Variants in MEMO1 observed in about 807,000 individuals in gnomAD.
The protein encoded by MEMO1 is protein MEMO1.
MEMO1 carries 6 observed loss-of-function variants against 45.2 expected under a neutral mutation model. That is an observed-to-expected ratio of 0.13 (90% CI 0.07 to 0.26). MEMO1 has a LOEUF of 0.26. MEMO1 is among the 10% of genes least tolerant of loss of function. The pLI, the probability that MEMO1 is intolerant of heterozygous loss-of-function variation, is 1.00. For synonymous variants in MEMO1, 78 were observed against 124.3 expected, an observed-to-expected ratio of 0.63 and a Z score of 2.48; for missense variants, 184 against 370.5, an observed-to-expected ratio of 0.50 and a Z score of 4.13.
intron 6 of MEMO1, among the ~76,000 whole-genome samples, chr2:31,896,736 A>G (rs1677873751): frequency 6.6e-6 from 1 of 152,236 alleles, no homozygotes; most frequent in Non-Finnish European, 1.5e-5. Context: ...GTCATACATT[A>G]GGAGAAGATA....
intron 4 of MEMO1, among the ~76,000 whole-genome samples, chr2:31,921,939 GTAA>G (rs1197207662): frequency 6.6e-6 from 1 of 152,146 alleles, no homozygotes; most frequent in Non-Finnish European, 1.5e-5. Context: ...GACATCAAGA[GTAA>G]TGTTAATTTC....
chr2:31,869,421 C>T (rs1673335165), intron 9 of MEMO1, among the ~76,000 whole-genome samples: 1 of 152,052 alleles, frequency 6.6e-6, no homozygotes, highest in African/African-American at 2.4e-5. Flanking sequence ...ATGAGAAAAA[C>T]ACACATCATC....
chr2:31,910,335 A>C (rs998932181), intron 6 of MEMO1, among the ~76,000 whole-genome samples: 3 of 152,216 alleles, frequency 2.0e-5, no homozygotes, highest in Non-Finnish European at 2.9e-5. Context: ...AAGCAAGTAC[A>C]TTAGAGAAAG....
chr2:31,919,584 C>T lies in MEMO1; in HGVS notation c.325+1214G>A, dbSNP rs557330710. Among the ~76,000 whole-genome samples, 8 of 152,066 alleles carry T rather than the reference C, an allele frequency of 5.3e-5. No homozygotes were observed. In the South Asian group the frequency reaches 1.7e-3, roughly 32 times the overall value. ...TGATAATCCCAGCACTTTGGGAGGC[C>T]AAGACAGGAGAATTGCTTGAGACCA... is the stretch of plus-strand genomic sequence containing the variant. On this transcript the variant is annotated intron_variant, in intron 5 of 9. Coordinates refer to ENST00000404530, the MANE Select transcript of MEMO1 (RefSeq NM_001301833.4).
At chr2:31,989,103 G>T (rs1259565143) in intron 2 of MEMO1, among the ~76,000 whole-genome samples, 1 of 152,126 alleles carries the variant, frequency 6.6e-6, no homozygotes, top group Non-Finnish European at 1.5e-5. Context: ...CTACTCAGGA[G>T]GCTGAGGCAG....
At chr2:31,898,061 T>A (rs1232101365) in intron 6 of MEMO1, among the ~76,000 whole-genome samples, 1 of 152,018 alleles carries the variant, frequency 6.6e-6, no homozygotes, top group Non-Finnish European at 1.5e-5. Context: ...AGTGGTGATA[T>A]CCTCTTTATC....
At chr2:31,891,948 A>C in intron 7 of MEMO1, 44 bp downstream of exon 7, 1 of 1,543,516 alleles carries the variant, frequency 6.5e-7, no homozygotes, top group Non-Finnish European at 8.8e-7. Context: ...CTTTAACCAG[A>C]AGTATATAAC....
At chr2:31,976,501 C>A (rs1431080878) in intron 2 of MEMO1, among the ~76,000 whole-genome samples, 1 of 151,840 alleles carries the variant, frequency 6.6e-6, no homozygotes. Flanking sequence ...TCACTTGAAC[C>A]TGGGAGGCAG....
At chr2:31,923,457 A>C in intron 4 of MEMO1, 1 of 590,658 alleles carries the variant, frequency 1.7e-6, no homozygotes. Context: ...ATTTCAAAAA[A>C]AAAGTCAAAT....
chr2:31,887,092 G>C (rs1676291433), intron 7 of MEMO1, among the ~76,000 whole-genome samples: 1 of 152,148 alleles, frequency 6.6e-6, no homozygotes, highest in Non-Finnish European at 1.5e-5. Context: ...CGCTTTCTGA[G>C]AAAAAGAAAT....
At chr2:31,924,554 T>C (rs775432502) in intron 4 of MEMO1, among the ~76,000 whole-genome samples, 3 of 152,096 alleles carry the variant, frequency 2.0e-5, no homozygotes, top group Non-Finnish European at 2.9e-5. Context: ...TAATAGAGAA[T>C]TCACATTTGC....
intron 9 of MEMO1, 28 bp downstream of exon 9, chr2:31,869,818 TAA>T (rs1558465097): frequency 1.3e-6 from 2 of 1,565,294 alleles, no homozygotes; most frequent in Non-Finnish European, 1.7e-6. Flanking sequence ...GACCAAATGT[TAA>T]AAGTCAAGGC....
At chr2:31,965,050 C>G (rs112050071) in intron 2 of MEMO1, among the ~76,000 whole-genome samples, 2,139 of 151,966 alleles carry the variant, frequency 0.014, 51 homozygotes, top group African/African-American at 0.048. Flanking sequence ...CCTGTCTCTA[C>G]TAAAAATACA....
intron 2 of MEMO1, among the ~76,000 whole-genome samples, chr2:31,943,725 G>T (rs1035309351): frequency 6.6e-6 from 1 of 152,168 alleles, no homozygotes; most frequent in Non-Finnish European, 1.5e-5. Context: ...GGAAATAATT[G>T]AATATGTTAT....
intron 3 of MEMO1, among the ~76,000 whole-genome samples, chr2:31,935,620 A>T (rs920797080): frequency 3.9e-5 from 6 of 152,198 alleles, no homozygotes; most frequent in Non-Finnish European, 7.3e-5. Flanking sequence ...TCATCAAAGG[A>T]GGAAGAAGAT....
chr2:31,940,551 ATATT>A (rs1665489938), intron 3 of MEMO1, among the ~76,000 whole-genome samples: 1 of 152,192 alleles, frequency 6.6e-6, no homozygotes, highest in African/African-American at 2.4e-5. Context: ...TCTTAAAAAT[ATATT>A]TAAAGACAGG....
chr2:31,881,495 T>TAAAAAAA (rs34058748), intron 8 of MEMO1, among the ~76,000 whole-genome samples: 7 of 68,432 alleles, frequency 1.0e-4, no homozygotes, highest in Non-Finnish European at 1.8e-4. Flanking sequence ...AGCCTGTCTT[T>TAAAAAAA]AAAAAAAAAA....
chr2:31,923,091 A>G (rs778050723), intron 4 of MEMO1, among the ~76,000 whole-genome samples: 2 of 152,094 alleles, frequency 1.3e-5, no homozygotes, highest in Non-Finnish European at 2.9e-5. Flanking sequence ...ACTCCTACCA[A>G]CAATGTATAA....
At chr2:31,882,674 C>T (rs1018503987) in intron 8 of MEMO1, among the ~76,000 whole-genome samples, 2 of 152,084 alleles carry the variant, frequency 1.3e-5, no homozygotes, top group Non-Finnish European at 2.9e-5. Context: ...GCATAGCAGA[C>T]AAGATTCAAG....
Sources: allele counts gnomAD v4.1 joint callset (sites outside exome capture counted in the v4.1 genomes callset), GRCh38; gene constraint gnomAD v4.1.1; transcripts MANE v1.5; gene names NCBI Gene and HGNC (gene_info 2026-07-23, HGNC 2026-07-21).